The following RBFOX1 variants were observed in gnomAD, a reference collection of about 807,000 sequenced individuals.
RBFOX1 encodes RNA binding fox-1 homolog 1.
A neutral mutation model predicts 57.7 loss-of-function variants in RBFOX1; 8 were observed. That is an observed-to-expected ratio of 0.14 (90% CI 0.08 to 0.25). RBFOX1 has a LOEUF of 0.25. RBFOX1 is among the 10% of genes least tolerant of loss of function. The probability of loss-of-function intolerance (pLI) is 1.00; values close to 1 mark genes in which losing one functional copy is unlikely to be tolerated. For synonymous variants in RBFOX1, 326 were observed against 222.4 expected, an observed-to-expected ratio of 1.47 and a Z score of -4.15; for missense variants, 611 against 548.5, an observed-to-expected ratio of 1.11 and a Z score of -1.14.
intron 2 of RBFOX1, among the ~76,000 whole-genome samples, chr16:6,539,585 G>T (rs2096782972): frequency 1.3e-5 from 2 of 151,840 alleles, no homozygotes; most frequent in South Asian, 2.1e-4. Context: ...ATCACCTAAG[G>T]TCGGGAGTTC....
chr16:6,689,516 A>G (rs1317955334), intron 3 of RBFOX1, among the ~76,000 whole-genome samples: 7 of 152,054 alleles, frequency 4.6e-5, no homozygotes, highest in African/African-American at 1.2e-4. Flanking sequence ...AATTTTTTTT[A>G]TGTTTATGCA....
intron 3 of RBFOX1, among the ~76,000 whole-genome samples, chr16:6,899,602 T>G (rs2067945703): frequency 6.6e-6 from 1 of 152,206 alleles, no homozygotes; most frequent in Non-Finnish European, 1.5e-5. Flanking sequence ...AGCTCCAGAA[T>G]GCTGTCAGCC....
intron 3 of RBFOX1, among the ~76,000 whole-genome samples, chr16:5,831,074 C>T (rs1053900415): frequency 2.6e-5 from 4 of 152,178 alleles, no homozygotes; most frequent in Non-Finnish European, 4.4e-5. Flanking sequence ...CACAGGGATA[C>T]GAGCATCTTT....
intron 5 of RBFOX1, among the ~76,000 whole-genome samples, chr16:7,565,354 G>A (rs777277139): frequency 1.3e-5 from 2 of 152,022 alleles, no homozygotes; most frequent in East Asian, 1.9e-4. Flanking sequence ...ATTTTCCCCC[G>A]AACTTTTCTC....
At chr16:7,173,494 T>G (rs1398324036) in intron 4 of RBFOX1, among the ~76,000 whole-genome samples, 1 of 147,674 alleles carries the variant, frequency 6.8e-6, no homozygotes, top group Admixed American at 6.7e-5. Flanking sequence ...ATTTGACACT[T>G]TTTTTTTTCT....
At chr16:7,653,785 T>C in intron 11 of RBFOX1, 30 bp from the exon 12 acceptor site, 1 of 1,280,496 alleles carries the variant, frequency 7.8e-7, no homozygotes. Context: ...CAGCCTGTGC[T>C]CTCTCTCTCT....
intron 1 of RBFOX1, among the ~76,000 whole-genome samples, chr16:6,083,783 C>T (rs1363675485): frequency 6.6e-6 from 1 of 151,700 alleles, no homozygotes; most frequent in African/African-American, 2.4e-5. Context: ...GGCCCCCCTT[C>T]TTTGGTCTCA....
At chr16:7,090,651 T>C (rs1222151941) in intron 4 of RBFOX1, among the ~76,000 whole-genome samples, 1 of 152,072 alleles carries the variant, frequency 6.6e-6, no homozygotes, top group East Asian at 1.9e-4. Flanking sequence ...TATTTTATTT[T>C]CCCTGAGTGA....
intron 3 of RBFOX1, among the ~76,000 whole-genome samples, chr16:5,799,343 G>GCCAAA (rs2054984741): frequency 6.6e-6 from 1 of 152,146 alleles, no homozygotes; most frequent in South Asian, 2.1e-4. Context: ...TGGGGACATA[G>GCCAAA]CCAAACCATA....
chr16:6,200,438 A>C (rs549348448), intron 1 of RBFOX1, among the ~76,000 whole-genome samples: 11 of 152,262 alleles, frequency 7.2e-5, no homozygotes, highest in Admixed American at 5.9e-4. Flanking sequence ...GGGTGATTCC[A>C]GTTGCCTTCT....
intron 4 of RBFOX1, among the ~76,000 whole-genome samples, chr16:7,144,352 T>A (rs2074458553): frequency 6.6e-6 from 1 of 151,738 alleles, no homozygotes; most frequent in African/African-American, 2.4e-5. Flanking sequence ...CTGGTACCCA[T>A]CCTTGGACAC....
chr16:5,738,793 A>G (rs2052672745), intron 3 of RBFOX1, among the ~76,000 whole-genome samples: 2 of 152,208 alleles, frequency 1.3e-5, no homozygotes. Context: ...CTCTGTGTAA[A>G]CATATCACAG....
At chr16:6,941,771 G>C (rs906084451) in intron 3 of RBFOX1, among the ~76,000 whole-genome samples, 1 of 152,166 alleles carries the variant, frequency 6.6e-6, no homozygotes, top group African/African-American at 2.4e-5. Context: ...GAGGTAGAAG[G>C]CAGGTGAACT....
At chr16:5,588,034 G>T (rs1292144471) in intron 2 of RBFOX1, among the ~76,000 whole-genome samples, 2 of 152,142 alleles carry the variant, frequency 1.3e-5, no homozygotes, top group African/African-American at 4.8e-5. Flanking sequence ...AATAAAAAAG[G>T]CCTGCATCCC....
chr16:6,945,518 A>C (rs1414654356), intron 3 of RBFOX1, among the ~76,000 whole-genome samples: 1 of 152,028 alleles, frequency 6.6e-6, no homozygotes, highest in East Asian at 1.9e-4. Flanking sequence ...TTTGGAAAAC[A>C]CTACCTGACC....
chr16:6,086,228 T>C (rs879302222), intron 1 of RBFOX1, among the ~76,000 whole-genome samples: 1 of 152,120 alleles, frequency 6.6e-6, no homozygotes, highest in South Asian at 2.1e-4. Flanking sequence ...AGCACATGCA[T>C]TGGGTTTGAA....
chr16:7,069,735 T>C (rs539340171), intron 4 of RBFOX1, among the ~76,000 whole-genome samples: 51 of 152,270 alleles, frequency 3.3e-4, no homozygotes, highest in African/African-American at 1.1e-3. Flanking sequence ...TGTTCTGCCA[T>C]CTCCCAGAGC....
At chr16:5,939,221 C>G (rs969560446) in intron 4 of RBFOX1, among the ~76,000 whole-genome samples, 3 of 152,110 alleles carry the variant, frequency 2.0e-5, no homozygotes, top group African/African-American at 7.2e-5. Context: ...CACATGTACC[C>G]TAGAACTTAA....
chr16:7,000,341 A>G (rs918941475), intron 3 of RBFOX1, among the ~76,000 whole-genome samples: 2 of 152,052 alleles, frequency 1.3e-5, no homozygotes, highest in Non-Finnish European at 2.9e-5. Flanking sequence ...AAATTAGTCG[A>G]TACATCTCTC....
Sources: gnomAD v4.1 joint callset for allele counts (sites outside exome capture counted in the v4.1 genomes callset) on GRCh38, gnomAD v4.1.1 for gene constraint, MANE v1.5 for transcripts, NCBI Gene and HGNC (gene_info 2026-07-23, HGNC 2026-07-21) for gene names.